PRH1: variants seen among roughly 807,000 people sequenced by gnomAD.
The protein encoded by PRH1 is salivary acidic proline-rich phosphoprotein 1/2.
A neutral mutation model predicts 7.9 loss-of-function variants in PRH1; 7 were observed. The observed-to-expected ratio is 0.89, with a 90% CI of 0.50 to 1.67. The LOEUF (loss-of-function observed/expected upper bound fraction) is 1.67. Ranked by LOEUF, PRH1 falls within the 40% of genes most tolerant of loss-of-function variation. PRH1 has a pLI of 0.00. For synonymous variants in PRH1, 45 were observed against 80.8 expected (o/e 0.56, Z 2.38); for missense variants, 109 against 223.6 (o/e 0.49, Z 3.27).
rs138378494 is a variant in PRH1, at chr12:11,142,775, A to C, written n.40-21595T>G. Among the ~76,000 whole-genome samples the C allele has an allele frequency of 1.4e-3, 213 of 152,306 alleles. 1 individual carries two copies. Among genetic ancestry groups the C allele is most frequent in the African/African-American group, 4.9e-3 (202 of 41,574 alleles). ...TGGCAGCAGACTTCTCAGTGGAAAAAGGCCAGGAGACAGTGGCATGACATA... is the reference window on the plus strand; with the variant it reads ...TGGCAGCAGACTTCTCAGTGGAAAACGGCCAGGAGACAGTGGCATGACATA... On this transcript the variant is annotated intron_variant and non_coding_transcript_variant, in intron 1 of 1. Transcript: ENST00000541175.
chr12:11,109,591 A>C (rs1009937918), intron 1 of PRH1, among the ~76,000 whole-genome samples: 7 of 152,198 alleles, frequency 4.6e-5, no homozygotes, highest in Non-Finnish European at 1.0e-4. Context: ...GACTGTTAGA[A>C]GGAAAATCAA....
In PRH1 at chr12:11,101,285, C is replaced by T. The variant is rs190101583; in HGVS notation, n.124-54097G>A. Among the ~76,000 whole-genome samples the T allele has an allele frequency of 1.7e-3, 253 of 152,242 alleles. 2 individuals are homozygous for T. The highest frequency in any genetic ancestry group is 3.4e-3 in the Middle Eastern group (1 of 294). On this transcript the variant is annotated intron_variant and non_coding_transcript_variant, in intron 1 of 4. Coordinates refer to the PRH1 transcript ENST00000541977. ...GGTGGATTGCCTAAGCACAGGAGTT[C>T]AAGACCTGCCTGGGCAACATGGAAA... is the stretch of plus-strand genomic sequence containing the variant.
intron 1 of PRH1, among the ~76,000 whole-genome samples, chr12:11,129,451 T>C (rs1206642350): frequency 6.6e-6 from 1 of 152,294 alleles, no homozygotes; most frequent in Non-Finnish European, 1.5e-5. Context: ...TAAAATATAA[T>C]AACCGCATTC....
At chr12:11,080,960 T>G (rs78468425) in intron 1 of PRH1, among the ~76,000 whole-genome samples, 14,147 of 80,198 alleles carry the variant, frequency 0.18, 2,023 homozygotes, top group Middle Eastern at 0.22. Context: ...ATTGGTCTTT[T>G]GTGTCCTGTA....
intron 2 of PRH1, among the ~76,000 whole-genome samples, chr12:10,901,789 TC>T (rs1327707710): frequency 6.8e-6 from 1 of 146,832 alleles, no homozygotes; most frequent in Non-Finnish European, 1.5e-5. Flanking sequence ...AAGTCATACC[TC>T]CTAAGGAGGG....
At chr12:11,070,540 T>A (rs529399636) in intron 1 of PRH1, among the ~76,000 whole-genome samples, 32 of 152,314 alleles carry the variant, frequency 2.1e-4, no homozygotes, top group African/African-American at 7.7e-4. Context: ...CCAAGAGACT[T>A]CCAATAAAGT....
chr12:10,914,759 A>G (rs567704446), intron 2 of PRH1, among the ~76,000 whole-genome samples: 2 of 152,296 alleles, frequency 1.3e-5, no homozygotes, highest in Non-Finnish European at 2.9e-5. Flanking sequence ...GAGTCTAGAA[A>G]CTTGAGATTT....
At chr12:11,148,912 G>T (rs1294986427) in intron 1 of PRH1, among the ~76,000 whole-genome samples, 1 of 139,872 alleles carries the variant, frequency 7.1e-6, no homozygotes, top group African/African-American at 2.6e-5. Flanking sequence ...AATCCATCTG[G>T]TCCTGGACTC....
At chr12:11,149,655 T>A (rs1224424657) in intron 1 of PRH1, among the ~76,000 whole-genome samples, 1 of 142,652 alleles carries the variant, frequency 7.0e-6, no homozygotes, top group Non-Finnish European at 1.5e-5. Context: ...TTACACCTTA[T>A]ACAAAAATTA....
chr12:11,107,368 G>A (rs1375584719), intron 1 of PRH1, among the ~76,000 whole-genome samples: 1 of 152,104 alleles, frequency 6.6e-6, no homozygotes, highest in Admixed American at 6.5e-5. Context: ...CTACAATTAA[G>A]ATAAGAGAAA....
intron 1 of PRH1, among the ~76,000 whole-genome samples, chr12:11,148,296 T>C (rs1254771697): frequency 1.3e-5 from 2 of 152,058 alleles, no homozygotes; most frequent in South Asian, 2.1e-4. Context: ...TCCTGCCTCA[T>C]TGCCCTGGTC....
intron 1 of PRH1, among the ~76,000 whole-genome samples, chr12:11,008,237 ATAAG>A (rs1423400192): frequency 2.0e-5 from 3 of 152,104 alleles, no homozygotes; most frequent in African/African-American, 4.8e-5. Context: ...AAGAATGCAT[ATAAG>A]TAGTTTCTTT....
rs753230587 is a variant in PRH1, at chr12:10,997,529, A to C, written c.-125-23808T>G. The C allele has an allele frequency of 1.9e-6, 3 of 1,613,946 alleles. No individual in the cohort carries two copies. Among genetic ancestry groups the C allele is most frequent in the Admixed American group, 3.3e-5 (2 of 59,972 alleles). The stretch of plus-strand genomic sequence containing the variant: ...CTTCCTTTTTAAGTGATGAAAAATA[A>C]GTCTGGAGAAATTGACGATCTTGAG... On this transcript the variant is annotated intron_variant, in intron 1 of 3. Transcript: ENST00000539853.
intron 1 of PRH1, among the ~76,000 whole-genome samples, chr12:11,115,642 T>A (rs1046309486): frequency 6.6e-6 from 1 of 152,168 alleles, no homozygotes; most frequent in African/African-American, 2.4e-5. Flanking sequence ...GACCATATGT[T>A]AGATCACAAA....
intron 1 of PRH1, among the ~76,000 whole-genome samples, chr12:11,057,283 C>T (rs914244988): frequency 6.6e-6 from 1 of 152,218 alleles, no homozygotes; most frequent in Non-Finnish European, 1.5e-5. Context: ...CAGGCATGAG[C>T]CATCACATCC....
At chr12:11,036,753 C>T (rs1255516125) in intron 1 of PRH1, among the ~76,000 whole-genome samples, 1 of 152,132 alleles carries the variant, frequency 6.6e-6, no homozygotes, top group Non-Finnish European at 1.5e-5. Context: ...CAATGATGAT[C>T]TTTTTAAAAT....
chr12:11,132,624 C>T (rs531475221), intron 1 of PRH1, among the ~76,000 whole-genome samples: 1 of 152,252 alleles, frequency 6.6e-6, no homozygotes, highest in East Asian at 1.9e-4. Flanking sequence ...CTAAGCTATT[C>T]ACATACTTGT....
intron 1 of PRH1, chr12:11,022,347 T>G (rs759203120): frequency 5.2e-5 from 84 of 1,613,988 alleles, no homozygotes; most frequent in Admixed American, 1.8e-4. Context: ...CTAAACCATA[T>G]AAAGCAGAAT....
At chr12:10,938,648 A>C in intron 2 of PRH1, 3 of 1,614,074 alleles carry the variant, frequency 1.9e-6, no homozygotes. Context: ...GGGTATGAAA[A>C]TGAACACAGT....
Sources: gnomAD v4.1 joint callset for allele counts (sites outside exome capture counted in the v4.1 genomes callset) on GRCh38, gnomAD v4.1.1 for gene constraint, MANE v1.5 for transcripts, NCBI Gene and HGNC (gene_info 2026-07-23, HGNC 2026-07-21) for gene names.